The following CFAP61 variants were observed in gnomAD, a reference collection of about 807,000 sequenced individuals.
CFAP61 encodes cilia and flagella associated protein 61.
Under a neutral mutation model 135.6 loss-of-function variants are expected in CFAP61, and 107 were observed. That is an observed-to-expected ratio of 0.79 (90% CI 0.67 to 0.93). CFAP61 has a LOEUF of 0.93. Among genes scored for constraint, CFAP61 ranks in the 40% least tolerant of loss-of-function variants. The probability of loss-of-function intolerance (pLI) is 0.00; values close to 1 mark genes in which losing one functional copy is unlikely to be tolerated. For synonymous variants in CFAP61, 575 were observed against 578.5 expected (o/e 0.99, Z 0.09); for missense variants, 1,507 against 1,556.2 (o/e 0.97, Z 0.53).
chr20:20,202,651 G>C (rs1490475458), intron 17 of CFAP61, among the ~76,000 whole-genome samples: 1 of 152,158 alleles, frequency 6.6e-6, no homozygotes, highest in Non-Finnish European at 1.5e-5. Flanking sequence ...TCAAGACATT[G>C]TTTTCTTAGT....
At chr20:20,322,623 A>G in intron 25 of CFAP61, 1 of 916,752 alleles carries the variant, frequency 1.1e-6, no homozygotes, top group African/African-American at 1.8e-5. Flanking sequence ...GGTAAATGGT[A>G]TCATTAACTC....
intron 10 of CFAP61, among the ~76,000 whole-genome samples, chr20:20,160,825 G>A (rs1023399853): frequency 1.1e-4 from 17 of 152,190 alleles, no homozygotes; most frequent in African/African-American, 4.1e-4. Flanking sequence ...AGCAGGGCAG[G>A]CTGTTTGGGG....
At chr20:20,246,476 C>A (rs1317693467) in intron 19 of CFAP61, among the ~76,000 whole-genome samples, 1 of 152,190 alleles carries the variant, frequency 6.6e-6, no homozygotes, top group African/African-American at 2.4e-5. Context: ...AGCCTACGGA[C>A]CCAGCCAGCC....
Position 20,359,781 on chromosome 20 carries a change from C to T in CFAP61, c.3514-429C>T, listed in dbSNP as rs1261804718. Among the ~76,000 whole-genome samples, 7 of 152,136 alleles carry T rather than the reference C, an allele frequency of 4.6e-5. No individual in the cohort carries two copies. The highest frequency in any genetic ancestry group is 2.1e-4 in the South Asian group (1 of 4,828). On this transcript the variant is annotated intron_variant, in intron 26 of 26. Transcript: ENST00000245957. The surrounding 1 kb of genome is among the most constrained non-coding windows in gnomAD (Gnocchi z 4.0). Reference sequence around the variant, plus strand: ...CTGGATGACTCTTGAGGACATTATGCTAAGTGATATAAGCCAGTCACAAAA... The same window carrying T: ...CTGGATGACTCTTGAGGACATTATGTTAAGTGATATAAGCCAGTCACAAAA...
At chr20:20,196,525 T>A in intron 15 of CFAP61, 45 bp from the exon 16 acceptor site, 3 of 1,386,874 alleles carry the variant, frequency 2.2e-6, no homozygotes, top group Non-Finnish European at 3.1e-6. Flanking sequence ...GCATGCCGTT[T>A]GTTTAAAATG....
At chr20:20,058,114 T>G (rs1385278664) in intron 2 of CFAP61, among the ~76,000 whole-genome samples, 1 of 152,240 alleles carries the variant, frequency 6.6e-6, no homozygotes. Flanking sequence ...ATTGAAATGT[T>G]TAAGCTAAGG....
Position 20,290,308 on chromosome 20 carries a change from C to A in CFAP61, c.3133C>A (p.Leu1045Ile), listed in dbSNP as rs115175415. The A allele has an allele frequency of 9.6e-3, 15,476 of 1,610,390 alleles. 93 individuals carry two copies. Among genetic ancestry groups the A allele is most frequent in the Non-Finnish European group, 0.011 (13,481 of 1,176,502 alleles). Residue 1045 changes from leucine to isoleucine, a missense_variant, in exon 24 of 27, where the codon CTT becomes ATT. Physicochemically the swap from Leu to Ile is conservative, Grantham distance 5. Transcript: ENST00000245957. ...YKGAKIQGGI[L>I]PGSYHYLHIA... is the part of the protein sequence containing the mutation. ...CTTGCCATCTCTTCTAGGGGGCATT[C>A]TTCCTGGGTCTTACCATTATCTGCA...
intron 9 of CFAP61, among the ~76,000 whole-genome samples, chr20:20,155,653 C>G (rs2052840223): frequency 2.0e-5 from 3 of 152,038 alleles, no homozygotes; most frequent in Admixed American, 6.5e-5. Flanking sequence ...AAACAGCCAA[C>G]AAACATACGA....
intron 2 of CFAP61, among the ~76,000 whole-genome samples, chr20:20,066,862 T>C (rs1293549109): frequency 6.6e-6 from 1 of 152,092 alleles, no homozygotes; most frequent in Non-Finnish European, 1.5e-5. Context: ...GGAAAACTAA[T>C]ATGATTTGAT....
At chr20:20,162,200 T>G (rs2053459216) in intron 10 of CFAP61, among the ~76,000 whole-genome samples, 1 of 152,162 alleles carries the variant, frequency 6.6e-6, no homozygotes, top group African/African-American at 2.4e-5. Context: ...TGCCTCCCTC[T>G]TAGCAGATCC....
At chr20:20,172,168 C>T (rs2054270778) in intron 13 of CFAP61, 3 of 860,610 alleles carry the variant, frequency 3.5e-6, no homozygotes, top group Non-Finnish European at 4.2e-6. Flanking sequence ...TAGTTTTTAT[C>T]TTGTGTATGT....
intron 6 of CFAP61, among the ~76,000 whole-genome samples, chr20:20,076,253 T>A (rs1342524958): frequency 6.6e-6 from 1 of 152,194 alleles, no homozygotes; most frequent in Non-Finnish European, 1.5e-5. Flanking sequence ...CTGGGACTTG[T>A]GAGGCTGGGA....
chr20:20,342,290 T>C (rs2058474468), intron 26 of CFAP61, among the ~76,000 whole-genome samples: 1 of 152,136 alleles, frequency 6.6e-6, no homozygotes, highest in African/African-American at 2.4e-5. Context: ...AACATATGTG[T>C]GTGTGTGTTC....
At chr20:20,340,600 C>T (rs2058405214) in intron 25 of CFAP61, among the ~76,000 whole-genome samples, 1 of 152,048 alleles carries the variant, frequency 6.6e-6, no homozygotes, top group South Asian at 2.1e-4. Context: ...GGGAGCATGG[C>T]CCGAGAGCAC....
At chr20:20,244,742 AT>A (rs1349041182) in intron 18 of CFAP61, among the ~76,000 whole-genome samples, 1 of 152,182 alleles carries the variant, frequency 6.6e-6, no homozygotes, top group African/African-American at 2.4e-5. Context: ...TCCTCAGAAA[AT>A]GGGATTTTCT....
chr20:20,294,903 C>A (rs973445805), intron 24 of CFAP61, among the ~76,000 whole-genome samples: 2 of 149,844 alleles, frequency 1.3e-5, no homozygotes, highest in Non-Finnish European at 3.0e-5. Context: ...AGTCCGCAGT[C>A]CGGCCTGGGC....
intron 26 of CFAP61, among the ~76,000 whole-genome samples, chr20:20,357,264 T>A (rs1275960511): frequency 2.2e-3 from 28 of 12,506 alleles, no homozygotes; most frequent in East Asian, 0.013. Context: ...CTGTGAAGGG[T>A]GGTAGTCACA....
chr20:20,103,780 C>A (rs2048187909), intron 8 of CFAP61, among the ~76,000 whole-genome samples: 1 of 152,164 alleles, frequency 6.6e-6, no homozygotes, highest in South Asian at 2.1e-4. Context: ...AGCTGCATCA[C>A]CCAATAAATA....
intron 26 of CFAP61, among the ~76,000 whole-genome samples, chr20:20,353,620 T>G (rs1336168913): frequency 6.6e-6 from 1 of 152,222 alleles, no homozygotes; most frequent in Non-Finnish European, 1.5e-5. Context: ...ACTTCACTCT[T>G]GTTCTTATCA....
Sources: allele counts gnomAD v4.1 joint callset (sites outside exome capture counted in the v4.1 genomes callset), GRCh38; gene constraint gnomAD v4.1.1; non-coding constraint Gnocchi (gnomAD v3.1); transcripts MANE v1.5; gene names NCBI Gene and HGNC (gene_info 2026-07-23, HGNC 2026-07-21).